Variants in PHACTR3 observed in about 807,000 individuals in gnomAD.
PHACTR3 encodes the protein phosphatase and actin regulator 3, also known as protein phosphatase 1, regulatory subunit 123.
In PHACTR3, 16 loss-of-function variants were observed where a neutral mutation model predicts 66.8. That is an observed-to-expected ratio of 0.24 (90% confidence interval 0.16 to 0.36). The LOEUF (loss-of-function observed/expected upper bound fraction) is 0.36. PHACTR3 is among the 10% of genes least tolerant of loss of function. The pLI is 1.00. For missense variants in PHACTR3, 647 were observed against 719.9 expected, an observed-to-expected ratio of 0.90 and a Z score of 1.16; for synonymous variants, 323 against 292.1, an observed-to-expected ratio of 1.11 and a Z score of -1.08.
At chr20:59,819,510 C>T (rs944227951) in intron 8 of PHACTR3, among the ~76,000 whole-genome samples, 7 of 150,644 alleles carry the variant, frequency 4.6e-5, no homozygotes, top group African/African-American at 7.3e-5. Flanking sequence ...CACTCCAGCC[C>T]GGGCAACAGA....
intron 1 of PHACTR3, among the ~76,000 whole-genome samples, chr20:59,624,221 C>G (rs1298856225): frequency 6.6e-6 from 1 of 152,092 alleles, no homozygotes; most frequent in Non-Finnish European, 1.5e-5. Flanking sequence ...ATCTTTCAAG[C>G]CAAGTACAGC....
chr20:59,587,891 CCCTCCCTTCCACCCTGTCCACT>C lies in PHACTR3; in HGVS notation c.109+10278_109+10299del, dbSNP rs1316672573. Among the ~76,000 whole-genome samples, 4 of 152,218 alleles carry C rather than the reference CCCTCCCTTCCACCCTGTCCACT, an allele frequency of 2.6e-5. No individual in the cohort carries two copies. In the South Asian group the frequency reaches 8.3e-4, roughly 31 times the overall value. On this transcript the variant is annotated intron_variant, in intron 1 of 12. Coordinates refer to the PHACTR3 transcript ENST00000359926. ...TCCTCTCAGCCTTCAAATCTCTCCT[CCCTCCCTTCCACCCTGTCCACT>C]CCTGCCTTCCCCTCTGCTTCCTGAG...
intron 12 of PHACTR3, 106 bp from the exon 13 acceptor site, chr20:59,847,009 T>C (rs988618246): frequency 3.9e-6 from 3 of 775,348 alleles, no homozygotes; most frequent in Non-Finnish European, 6.5e-6. Flanking sequence ...ATGGGACTTC[T>C]GAGAATCTTT....
At chr20:59,772,457 C>A (rs943283946) in intron 5 of PHACTR3, among the ~76,000 whole-genome samples, 6 of 152,196 alleles carry the variant, frequency 3.9e-5, no homozygotes, top group African/African-American at 9.7e-5. Context: ...AGTGTCAGGG[C>A]AGGCTCAGGT....
At chr20:59,672,208 C>T (rs375105810) in intron 1 of PHACTR3, among the ~76,000 whole-genome samples, 10 of 152,364 alleles carry the variant, frequency 6.6e-5, no homozygotes, top group East Asian at 1.9e-4. Flanking sequence ...GGACGGCCCC[C>T]GCCACAGAGC....
At chr20:59,670,609 G>GGT (rs2036160526) in intron 1 of PHACTR3, among the ~76,000 whole-genome samples, 1 of 136,692 alleles carries the variant, frequency 7.3e-6, no homozygotes, top group African/African-American at 2.6e-5. Context: ...CGGGGGTGGG[G>GGT]GGGGGGGGCA....
At chr20:59,586,509 A>G (rs978607270) in intron 1 of PHACTR3, among the ~76,000 whole-genome samples, 1 of 151,850 alleles carries the variant, frequency 6.6e-6, no homozygotes, top group African/African-American at 2.4e-5. Flanking sequence ...ATGACAAATC[A>G]TGATAAATTA....
intron 1 of PHACTR3, among the ~76,000 whole-genome samples, chr20:59,590,199 T>C (rs760963936): frequency 1.3e-5 from 2 of 152,224 alleles, no homozygotes; most frequent in Admixed American, 6.5e-5. Flanking sequence ...GCTCCAATGA[T>C]GTTAGACTAC....
At chr20:59,750,154 C>T (rs1601258769) in intron 3 of PHACTR3, among the ~76,000 whole-genome samples, 1 of 151,858 alleles carries the variant, frequency 6.6e-6, no homozygotes, top group Non-Finnish European at 1.5e-5. Context: ...CGGCAACTCA[C>T]GACCACAGTG....
intron 1 of PHACTR3, among the ~76,000 whole-genome samples, chr20:59,640,649 T>G (rs946240839): frequency 2.0e-5 from 3 of 152,174 alleles, no homozygotes; most frequent in Non-Finnish European, 4.4e-5. Flanking sequence ...TAGGTTTCCA[T>G]GCATCAAACC....
At chr20:59,792,999 A>G (rs1252060232) in intron 7 of PHACTR3, among the ~76,000 whole-genome samples, 1 of 152,096 alleles carries the variant, frequency 6.6e-6, no homozygotes, top group Non-Finnish European at 1.5e-5. Flanking sequence ...ATCCTCAAAC[A>G]TTGGCTTTCT....
chr20:59,629,300 C>G (rs1194346213), intron 1 of PHACTR3, among the ~76,000 whole-genome samples: 1 of 152,214 alleles, frequency 6.6e-6, no homozygotes, highest in East Asian at 1.9e-4. Context: ...TGTGGAGGCT[C>G]AAGCCTTTAC....
chr20:59,640,610 T>A (rs1386065249), intron 1 of PHACTR3, among the ~76,000 whole-genome samples: 1 of 152,148 alleles, frequency 6.6e-6, no homozygotes, highest in Non-Finnish European at 1.5e-5. Flanking sequence ...GACTGTCAGC[T>A]CTTTGGTTTT....
intron 1 of PHACTR3, among the ~76,000 whole-genome samples, chr20:59,635,164 T>TC (rs879454689): frequency 0.088 from 6,354 of 71,846 alleles, 749 homozygotes; most frequent in Non-Finnish European, 0.097. Context: ...TTTCTTTCTT[T>TC]CTTTCCTTTC....
intron 1 of PHACTR3, among the ~76,000 whole-genome samples, chr20:59,678,554 G>A (rs547896334): frequency 8.5e-5 from 13 of 152,310 alleles, no homozygotes; most frequent in Admixed American, 8.5e-4. Flanking sequence ...AGCCTGTGCT[G>A]CTATTTTTAG....
intron 8 of PHACTR3, among the ~76,000 whole-genome samples, chr20:59,807,691 G>A (rs542388976): frequency 5.3e-5 from 8 of 152,226 alleles, no homozygotes; most frequent in African/African-American, 9.6e-5. Context: ...CGTTAGGAAC[G>A]CCTTACACCA....
intron 2 of PHACTR3, 74 bp from the exon 3 acceptor site, chr20:59,747,684 C>A: frequency 1.3e-6 from 2 of 1,523,742 alleles, no homozygotes; most frequent in African/African-American, 1.4e-5. Context: ...TTGAGCCTGG[C>A]ATTGGCTGTG....
In PHACTR3 at chr20:59,820,527, G is replaced by C. The variant is rs185719896; in HGVS notation, c.1328+14333G>C. Among the ~76,000 whole-genome samples, 6 of 152,298 alleles carry C rather than the reference G, an allele frequency of 3.9e-5. No individual in the cohort carries two copies. The highest frequency in any genetic ancestry group is 7.3e-5 in the Non-Finnish European group (5 of 68,028). On this transcript the variant is annotated intron_variant, in intron 8 of 12. Coordinates refer to ENST00000371015, the MANE Select transcript of PHACTR3 (RefSeq NM_080672.5). The surrounding 1 kb of genome is among the most constrained non-coding windows in gnomAD (Gnocchi z 4.6). ...GAGGATATAAATATGACGCTTCATC[G>C]TCTTGGGTGGAAGTCCCCGTGTACA...
At chr20:59,653,911 A>G (rs1353529481) in intron 1 of PHACTR3, among the ~76,000 whole-genome samples, 1 of 152,214 alleles carries the variant, frequency 6.6e-6, no homozygotes, top group Non-Finnish European at 1.5e-5. Context: ...GATTTTGTGT[A>G]CTAAATACCA....
Sources: allele counts gnomAD v4.1 joint callset (sites outside exome capture counted in the v4.1 genomes callset), GRCh38; gene constraint gnomAD v4.1.1; non-coding constraint Gnocchi (gnomAD v3.1); transcripts MANE v1.5; gene names NCBI Gene and HGNC (gene_info 2026-07-23, HGNC 2026-07-21).